The following NOL9 variants were observed in gnomAD, a reference collection of about 807,000 sequenced individuals.
The protein encoded by NOL9 is nucleolar protein 9, also known as polynucleotide 5'-hydroxyl-kinase NOL9.
Under a neutral mutation model 67.9 loss-of-function variants are expected in NOL9, and 28 were observed. That is an observed-to-expected ratio of 0.41 (90% CI 0.31 to 0.57). The LOEUF (loss-of-function observed/expected upper bound fraction) is 0.57, where lower values mean the gene tolerates loss of function less well. NOL9 is among the 20% of genes least tolerant of loss of function. The probability of loss-of-function intolerance (pLI) is 0.25; values close to 1 mark genes in which losing one functional copy is unlikely to be tolerated. For synonymous variants in NOL9, 356 were observed against 352.2 expected, an observed-to-expected ratio of 1.01 and a Z score of -0.12; for missense variants, 777 against 897.0, an observed-to-expected ratio of 0.87 and a Z score of 1.71.
intron 9 of NOL9, among the ~76,000 whole-genome samples, chr1:6,529,797 G>A (rs751562686): frequency 2.6e-5 from 4 of 151,634 alleles, no homozygotes; most frequent in African/African-American, 7.3e-5. Context: ...ATGGTGGTGC[G>A]TGCCTGTAGT....
chr1:6,554,127 G>C lies in NOL9; in HGVS notation c.376C>G (p.Leu126Val), dbSNP rs1233758911. 6.5e-7 allele frequency: 1 copy of C among 1,530,288 alleles called. No homozygotes were observed. Among genetic ancestry groups the C allele is most frequent in the Non-Finnish European group, 8.8e-7 (1 of 1,138,228 alleles). The allele number at this position is 1,530,288 out of a possible 1,614,324, so 94.8% of individuals were successfully genotyped here. A position where few individuals can be genotyped will look rare whatever the true frequency, so the allele number is the denominator to read the frequency against. ...CCTACCTGCTCGACCGGCAGCAGCA[G>C]CAACGCGCGGCCGGGGCCCACGGGC... is the stretch of plus-strand genomic sequence containing the variant. ...VRPVGPGRAL[L>V]LLPVEQGFTF... Residue 126 changes from leucine to valine, a missense_variant, in exon 1 of 12, where the codon CTG (leucine) becomes GTG (valine). By Grantham distance (32) the Leu-to-Val change is conservative (BLOSUM62 1). Coordinates refer to ENST00000377705, the MANE Select transcript of NOL9 (RefSeq NM_024654.5).
chr1:6,549,491 G>A, intron 3 of NOL9, 80 bp downstream of exon 3: 7 of 1,515,706 alleles, frequency 4.6e-6, no homozygotes, highest in Non-Finnish European at 6.3e-6. Context: ...GTTCTTCCAA[G>A]ACAACATCCT....
intron 7 of NOL9, 104 bp downstream of exon 7, chr1:6,533,176 A>G: frequency 2.4e-6 from 3 of 1,267,066 alleles, no homozygotes; most frequent in Non-Finnish European, 3.2e-6. Context: ...CCCTGCCTCA[A>G]TTAAAAACAA....
At chr1:6,540,553 A>G (rs1324659817) in intron 6 of NOL9, among the ~76,000 whole-genome samples, 1 of 152,188 alleles carries the variant, frequency 6.6e-6, no homozygotes, top group Non-Finnish European at 1.5e-5. Context: ...GTGGCCAGGC[A>G]CAGTGGCTCA....
At chr1:6,549,422 A>G in intron 3 of NOL9, 149 bp downstream of exon 3, 1 of 826,622 alleles carries the variant, frequency 1.2e-6, no homozygotes, top group South Asian at 2.1e-5. Flanking sequence ...CCTTTCTATA[A>G]TAGTTTCCGT....
intron 5 of NOL9, among the ~76,000 whole-genome samples, chr1:6,542,319 C>T (rs902219542): frequency 2.0e-5 from 3 of 151,706 alleles, no homozygotes; most frequent in African/African-American, 7.3e-5. Context: ...CACCACCATG[C>T]CCGGCTAATT....
chr1:6,528,272 CACA>C, intron 10 of NOL9, among the ~76,000 whole-genome samples: 1 of 152,274 alleles, frequency 6.6e-6, no homozygotes. Flanking sequence ...CAGGCTGTGG[CACA>C]ATTGCGCCTG....
rs771853140 is a variant in NOL9, at chr1:6,541,946, GA to G, written c.978-20del. The G allele has an allele frequency of 2.7e-6, 4 of 1,507,690 alleles. No individual in the cohort carries two copies. The highest frequency in any genetic ancestry group is 2.1e-5 in the Admixed American group (1 of 48,770). 93.4% of individuals were successfully genotyped at this position (1,507,690 alleles called of 1,614,324 possible). A position where few individuals can be genotyped will look rare whatever the true frequency, so the allele number is the denominator to read the frequency against. On this transcript the variant is annotated intron_variant, in intron 5 of 11. Coordinates refer to ENST00000377705, the MANE Select transcript of NOL9 (RefSeq NM_024654.5). ...GGGAAGACTGCAAATTTTTAAAAAA[GA>G]AAAAAGAAAGAAAATCCTAACTAGC...
chr1:6,549,415 T>A, intron 3 of NOL9, 156 bp downstream of exon 3: 2 of 773,274 alleles, frequency 2.6e-6, no homozygotes, highest in Non-Finnish European at 3.9e-6. Flanking sequence ...CGATACACCT[T>A]TCTATAATAG....
chr1:6,526,824 A>C lies in NOL9; in HGVS notation c.1831T>G (p.Cys611Gly). 2 of 1,605,050 alleles carry C rather than the reference A, an allele frequency of 1.2e-6. No individual in the cohort carries two copies. The highest frequency in any genetic ancestry group is 1.7e-6 in the Non-Finnish European group (2 of 1,176,170). The change falls in exon 11 of 12, where the codon TGT becomes GGT. Residue 611 changes from cysteine to glycine, a missense_variant. Physicochemically the swap from Cys to Gly is radical, Grantham distance 159. Around this residue, in one of 2 missense-constraint regions of NOL9, gnomAD observed 413 missense variants for 552.6 expected, o/e 0.75. Transcript: ENST00000377705. ...CGCTTCTCCATGTCAATGCCTCTACAGATGCCTTCAAGACACGCGCACAAC... is the reference window on the plus strand; with the variant it reads ...CGCTTCTCCATGTCAATGCCTCTACCGATGCCTTCAAGACACGCGCACAAC... ...PICDCLGFGI[C>G]RGIDMEKRLY...
chr1:6,529,037 G>T lies in NOL9; in HGVS notation c.1782C>A (p.Pro594=). The T allele has an allele frequency of 6.2e-7, 1 of 1,614,078 alleles. No individual in the cohort carries two copies. The highest frequency in any genetic ancestry group is 2.2e-5 in the East Asian group (1 of 44,870). The stretch of plus-strand genomic sequence containing the variant: ...AGATTGGAGTCTGGGCAAGCAGGAT[G>T]GGCCCATTCGTGTATCCTCTGACGT... ...QDDVRGYTNG[P]ILLAQTPICD... Residue 594 remains proline (P), a synonymous_variant, in exon 10 of 12, where the codon CCC becomes CCA. Coordinates refer to ENST00000377705, the MANE Select transcript of NOL9 (RefSeq NM_024654.5).
chr1:6,544,853 C>T lies in NOL9; in HGVS notation c.950G>A (p.Arg317Lys), dbSNP rs1639385574. 2 of 1,614,202 alleles carry T rather than the reference C, an allele frequency of 1.2e-6. No homozygotes were observed. Among genetic ancestry groups the T allele is most frequent in the Non-Finnish European group, 1.7e-6 (2 of 1,180,040 alleles). The change falls in exon 5 of 12, where the codon AGA (arginine) becomes AAA (lysine). Residue 317 changes from arginine (R) to lysine (K), a missense_variant. By Grantham distance (26) the Arg-to-Lys change is conservative (BLOSUM62 2). Around this residue, in one of 2 missense-constraint regions of NOL9, gnomAD observed 413 missense variants for 552.6 expected, o/e 0.75. Transcript: ENST00000377705. ...SQDVGKSTFN[R>K]YLINHLLNSL... ...ATTTAACAAATGGTTAATCAGGTAT[C>T]TATTAAATGTTGACTTTCCAACATC...
chr1:6,535,974 A>G (rs966171300), intron 6 of NOL9, among the ~76,000 whole-genome samples: 4 of 152,086 alleles, frequency 2.6e-5, no homozygotes, highest in Admixed American at 1.3e-4. Flanking sequence ...TGACTTCAAA[A>G]GCAGTTATAA....
intron 6 of NOL9, among the ~76,000 whole-genome samples, chr1:6,538,072 A>T (rs1639196748): frequency 6.6e-6 from 1 of 151,836 alleles, no homozygotes; most frequent in African/African-American, 2.4e-5. Context: ...AAAAAATTTA[A>T]AAAGTTAAAA....
intron 6 of NOL9, among the ~76,000 whole-genome samples, chr1:6,541,570 T>C (rs1161495577): frequency 6.6e-6 from 1 of 152,182 alleles, no homozygotes; most frequent in Non-Finnish European, 1.5e-5. Context: ...GTTTCTAATT[T>C]ACATAAAACA....
chr1:6,529,481 G>A (rs146550480), intron 9 of NOL9, among the ~76,000 whole-genome samples: 2 of 152,024 alleles, frequency 1.3e-5, no homozygotes, highest in African/African-American at 4.8e-5. Flanking sequence ...CCAGCTACTC[G>A]GGAGGCTAAG....
chr1:6,526,134 T>C (rs1638878809), intron 11 of NOL9, 131 bp from the exon 12 acceptor site: 1 of 763,592 alleles, frequency 1.3e-6, no homozygotes, highest in East Asian at 2.5e-5. Context: ...TTTTAAGGCA[T>C]TTGATCCCTT....
intron 7 of NOL9, 51 bp downstream of exon 7, chr1:6,533,229 A>C: frequency 6.7e-7 from 1 of 1,502,970 alleles, no homozygotes; most frequent in East Asian, 2.3e-5. Flanking sequence ...TGAAACCAAC[A>C]GTACTCACAC....
chr1:6,530,857 C>T lies in NOL9; in HGVS notation c.1647+1111G>A, dbSNP rs577902172. ...AGCGCTCAAAACCGGACATGCTGTG[C>T]GGCAGAGCACAGACCTGGGCTCAGA... On this transcript the variant is annotated intron_variant, in intron 9 of 11. Coordinates refer to ENST00000377705, the MANE Select transcript of NOL9 (RefSeq NM_024654.5). 7.2e-4 allele frequency among the ~76,000 whole-genome samples: 110 copies of T among 152,380 alleles called. 1 individual carries two copies. The highest frequency in any genetic ancestry group is 2.5e-3 in the African/African-American group (102 of 41,594).
Sources: gnomAD v4.1 joint callset for allele counts (sites outside exome capture counted in the v4.1 genomes callset) on GRCh38, gnomAD v4.1.1 for gene constraint, gnomAD v4.1.1 regional missense constraint, MANE v1.5 for transcripts, NCBI Gene and HGNC (gene_info 2026-07-23, HGNC 2026-07-21) for gene names.